The following BPIFB1 variants were observed in gnomAD, a reference collection of about 807,000 sequenced individuals.
BPIFB1 encodes the protein BPI fold-containing family B member 1.
Under a neutral mutation model 55.1 loss-of-function variants are expected in BPIFB1, and 34 were observed. That is an observed-to-expected ratio of 0.62 (90% confidence interval 0.47 to 0.82). The LOEUF is 0.82. BPIFB1 is among the 40% of genes least tolerant of loss of function. The pLI, the probability that BPIFB1 is intolerant of heterozygous loss-of-function variation, is 0.00. For missense variants in BPIFB1, 532 were observed against 593.1 expected (o/e 0.90, Z 1.07); for synonymous variants, 236 against 245.3 (o/e 0.96, Z 0.35).
intron 8 of BPIFB1, among the ~76,000 whole-genome samples, chr20:33,300,597 G>A (rs777817981): frequency 6.6e-6 from 1 of 152,064 alleles, no homozygotes; most frequent in Non-Finnish European, 1.5e-5. Flanking sequence ...CTTTTGTTTT[G>A]TTTTTTTGAG....
intron 6 of BPIFB1, among the ~76,000 whole-genome samples, chr20:33,296,169 T>C (rs545070345): frequency 2.0e-5 from 3 of 152,262 alleles, no homozygotes; most frequent in African/African-American, 7.2e-5. Flanking sequence ...GACTCTACTG[T>C]GTAGCCAGGA....
rs746611442 is a variant in BPIFB1, at chr20:33,299,915, C to T, written c.678C>T (p.Ser226=). The T allele has an allele frequency of 6.2e-7, 1 of 1,614,118 alleles. No homozygotes were observed. The highest frequency in any genetic ancestry group is 8.5e-7 in the Non-Finnish European group (1 of 1,179,988). The part of the protein sequence containing the change: ...LQLVKVPISL[S]IDRLEFDLLY... ...CTTGAGCAGTGCCCATTTCCCTCAG[C>T]ATTGACCGTCTGGAGTTTGACCTTC... Residue 226 remains serine (S), a synonymous_variant, in exon 8 of 16, where the codon AGC becomes AGT. Transcript: ENST00000253354.
chr20:33,304,705 C>A, intron 12 of BPIFB1, 141 bp from the exon 13 acceptor site: 1 of 939,502 alleles, frequency 1.1e-6, no homozygotes, highest in Non-Finnish European at 1.7e-6. Flanking sequence ...GCAAGCTCCA[C>A]GACGCAAGGG....
intron 7 of BPIFB1, chr20:33,299,273 A>T: frequency 2.3e-6 from 1 of 431,466 alleles, no homozygotes; most frequent in South Asian, 1.6e-5. Flanking sequence ...ATCCTCGGCC[A>T]TACACCGGGG....
intron 13 of BPIFB1, 56 bp from the exon 14 acceptor site, chr20:33,305,946 G>T (rs942622364): frequency 8.9e-6 from 14 of 1,579,482 alleles, no homozygotes; most frequent in South Asian, 3.3e-5. Flanking sequence ...GAAGAATGAT[G>T]GGGGGGAACT....
At chr20:33,286,217 C>T in intron 2 of BPIFB1, 29 bp downstream of exon 2, 1 of 1,599,940 alleles carries the variant, frequency 6.3e-7, no homozygotes. Context: ...GAGCTGGCTG[C>T]CATAAGACAA....
Position 33,306,688 on chromosome 20 carries a change from G to A in BPIFB1, c.1319-223G>A, listed in dbSNP as rs1981037323. On this transcript the variant is annotated intron_variant, in intron 14 of 15. Coordinates refer to ENST00000253354, the MANE Select transcript of BPIFB1 (RefSeq NM_033197.3). The stretch of plus-strand genomic sequence containing the variant: ...CTTGAGCAAGAGCGTAAGAGAATGT[G>A]AGGACTGCATTTTGTGAGGGGCCAG... 8.7e-6 allele frequency: 5 copies of A among 576,582 alleles called. No homozygotes were observed. In the Admixed American group the frequency reaches 1.5e-4, roughly 17 times the overall value. 35.7% of individuals were successfully genotyped at this position (576,582 alleles called of 1,614,324 possible). A position where few individuals can be genotyped will look rare whatever the true frequency, so the allele number is the denominator to read the frequency against.
rs573578414 is a variant in BPIFB1 at position 33,306,829 on chromosome 20, C to T, written c.1319-82C>T. 1.4e-4 allele frequency: 163 copies of T among 1,191,982 alleles called. No homozygotes were observed. The African/African-American group carries it at 2.2e-3, about 16-fold the overall frequency. 73.8% of individuals were successfully genotyped at this position (1,191,982 alleles called of 1,614,324 possible). A position where few individuals can be genotyped will look rare whatever the true frequency, so the allele number is the denominator to read the frequency against. ...GATCAGGCCTGCCAGGCCGGGGCTC[C>T]CCTTCAGGAACCCTGAGCCTGCCCC... On this transcript the variant is annotated intron_variant, in intron 14 of 15. Coordinates refer to ENST00000253354, the MANE Select transcript of BPIFB1 (RefSeq NM_033197.3).
At position 33,302,425 on chromosome 20, in the gene BPIFB1, G is replaced by A. The variant is rs1980883596; in HGVS notation, c.981+13G>A. On this transcript the variant is annotated intron_variant, in intron 10 of 15. Transcript: ENST00000253354. ...GATCAATGAAAAGGTTGGTCTGTTT[G>A]CCATCTGCAGCTTGAGGGGTGTTTG... 6.2e-7 allele frequency: 1 copy of A among 1,613,840 alleles called. No homozygotes were observed. Among genetic ancestry groups the A allele is most frequent in the South Asian group, 1.1e-5 (1 of 91,068 alleles).
At chr20:33,307,142 G>A in intron 15 of BPIFB1, 155 bp downstream of exon 15, 3 of 647,556 alleles carry the variant, frequency 4.6e-6, no homozygotes, top group Non-Finnish European at 8.3e-6. Context: ...ATCTGCAAGT[G>A]AGAAGGTTGG....
chr20:33,290,068 G>A, intron 4 of BPIFB1, 76 bp downstream of exon 4: 1 of 1,143,746 alleles, frequency 8.7e-7, no homozygotes, highest in African/African-American at 1.5e-5. Context: ...CCCCCACCAT[G>A]CAGGTGTCTG....
At position 33,288,768 on chromosome 20, in the gene BPIFB1, A is replaced by G. The variant is rs1410533605; in HGVS notation, c.143A>G (p.Asn48Ser). The G allele has an allele frequency of 2.5e-5, 40 of 1,613,840 alleles. No individual in the cohort carries two copies. Among genetic ancestry groups the G allele is most frequent in the Non-Finnish European group, 3.4e-5 (40 of 1,179,986 alleles). ...CTGACACAGGAGCTGAAGGACCACA[A>G]CGCCACCAGCATCCTGCAGCAGCTG... ...EKLTQELKDH[N>S]ATSILQQLPL... is the part of the protein sequence containing the mutation. Residue 48 changes from asparagine to serine, a missense_variant, in exon 3 of 16, where the codon AAC (asparagine) becomes AGC (serine). Asn to Ser is a conservative substitution (Grantham distance 46, BLOSUM62 1). Transcript: ENST00000253354.
chr20:33,307,720 CCTGGCCGACA>C (rs1206448517), intron 15 of BPIFB1: 2 of 152,298 alleles, frequency 1.3e-5, no homozygotes, highest in Non-Finnish European at 2.9e-5. Context: ...TCGAGACCAG[CCTGGCCGACA>C]TGGCAAAACC....
intron 3 of BPIFB1, among the ~76,000 whole-genome samples, chr20:33,289,244 G>A (rs1377993516): frequency 6.6e-6 from 1 of 152,138 alleles, no homozygotes; most frequent in East Asian, 1.9e-4. Context: ...AGCCAGGCAT[G>A]GTGGCAGAAG....
chr20:33,303,937 C>A lies in BPIFB1; in HGVS notation c.1141-21C>A, dbSNP rs1286412559. On this transcript the variant is annotated intron_variant, in intron 11 of 15. Transcript: ENST00000253354. ...TCGGATCCTCTTGAGAACAATGGGGCCTGGGCTTCTCTTGTTGCAGGAAGC... is the reference window on the plus strand; with the variant it reads ...TCGGATCCTCTTGAGAACAATGGGGACTGGGCTTCTCTTGTTGCAGGAAGC... 4 of 1,613,496 alleles carry A rather than the reference C, an allele frequency of 2.5e-6. No homozygotes were observed. The South Asian group carries it at 4.4e-5, about 18-fold the overall frequency.
chr20:33,292,011 T>C, intron 6 of BPIFB1, 23 bp downstream of exon 6: 4 of 1,609,912 alleles, frequency 2.5e-6, no homozygotes, highest in East Asian at 4.5e-5. Flanking sequence ...AGGGCCTCTC[T>C]GGCCTGTGGG....
At chr20:33,288,914 C>A (rs770053081) in intron 3 of BPIFB1, 32 bp downstream of exon 3, 1 of 1,595,764 alleles carries the variant, frequency 6.3e-7, no homozygotes. Flanking sequence ...CAGGAGCTAG[C>A]CCCTTCCCAC....
At chr20:33,295,164 G>A (rs1362735554) in intron 6 of BPIFB1, among the ~76,000 whole-genome samples, 1 of 151,492 alleles carries the variant, frequency 6.6e-6, no homozygotes, top group Non-Finnish European at 1.5e-5. Flanking sequence ...GCAGTGAGCT[G>A]AGATAACGCC....
intron 6 of BPIFB1, among the ~76,000 whole-genome samples, chr20:33,294,097 T>C (rs1425409337): frequency 3.3e-5 from 5 of 152,158 alleles, no homozygotes; most frequent in African/African-American, 1.2e-4. Flanking sequence ...AGCTTAAGAG[T>C]AGCATGTATA....
Sources: allele counts gnomAD v4.1 joint callset (sites outside exome capture counted in the v4.1 genomes callset), GRCh38; gene constraint gnomAD v4.1.1; transcripts MANE v1.5; gene names NCBI Gene and HGNC (gene_info 2026-07-23, HGNC 2026-07-21).